The following FYCO1 variants were observed in gnomAD, a reference collection of about 807,000 sequenced individuals.
FYCO1 encodes FYVE and coiled-coil domain autophagy adaptor 1, also known as FYVE and coiled-coil domain-containing protein 1.
Under a neutral mutation model 165.1 loss-of-function variants are expected in FYCO1, and 122 were observed. That is an observed-to-expected ratio of 0.74 (90% CI 0.64 to 0.86). The LOEUF (loss-of-function observed/expected upper bound fraction) is 0.86, where lower values mean the gene tolerates loss of function less well. Ranked by LOEUF, FYCO1 falls within the 40% of genes least tolerant of loss-of-function variation. FYCO1 has a pLI of 0.00. For missense variants in FYCO1, 1,702 were observed against 1,810.3 expected (o/e 0.94, Z 1.09); for synonymous variants, 648 against 742.5 (o/e 0.87, Z 2.07).
At chr3:45,953,038 C>A (rs534945449) in intron 14 of FYCO1, among the ~76,000 whole-genome samples, 125 of 152,222 alleles carry the variant, frequency 8.2e-4, no homozygotes, top group Non-Finnish European at 1.6e-3. Flanking sequence ...GATCTTGGGT[C>A]TGGTGAGTTT....
intron 1 of FYCO1, among the ~76,000 whole-genome samples, chr3:45,989,202 C>T (rs1459812437): frequency 6.6e-6 from 1 of 152,124 alleles, no homozygotes; most frequent in Non-Finnish European, 1.5e-5. Context: ...TCCCCCAGTC[C>T]CAAATAAGGA....
rs1347356225 is a variant in FYCO1, at chr3:45,962,918, C to G, written c.3270-526G>C. Among the ~76,000 whole-genome samples the G allele has an allele frequency of 3.3e-5, 5 of 152,170 alleles. No homozygotes were observed. The East Asian group carries it at 9.6e-4, about 29-fold the overall frequency. ...TCTACCTGATAGCCCCCCTGAGGCC[C>G]AGGGAATTCCGTTTTGGGTGCTGCA... On this transcript the variant is annotated intron_variant, in intron 10 of 17. Transcript: ENST00000296137. This position sits in a 1 kb window ranked among gnomAD's most constrained non-coding sequence, Gnocchi z 4.4.
At chr3:45,929,550 C>A (rs1321872648) in intron 16 of FYCO1, among the ~76,000 whole-genome samples, 1 of 152,162 alleles carries the variant, frequency 6.6e-6, no homozygotes, top group Non-Finnish European at 1.5e-5. Context: ...GTGGCAAGGG[C>A]AGCTCTTGGC....
chr3:45,961,127 C>A (rs941183534), intron 11 of FYCO1, among the ~76,000 whole-genome samples: 2 of 152,122 alleles, frequency 1.3e-5, no homozygotes, highest in Non-Finnish European at 2.9e-5. Context: ...AGAGACACAG[C>A]AATTGCAATA....
At chr3:45,939,496 C>T (rs1447943139) in intron 14 of FYCO1, among the ~76,000 whole-genome samples, 1 of 152,172 alleles carries the variant, frequency 6.6e-6, no homozygotes, top group African/African-American at 2.4e-5. Flanking sequence ...CTCAAATGGC[C>T]TCAGCCTGTT....
In FYCO1 at chr3:45,973,113, C is replaced by T. The variant is rs375161411; in HGVS notation, c.514G>A (p.Asp172Asn). 8 of 1,614,116 alleles carry T rather than the reference C, an allele frequency of 5.0e-6. No homozygotes were observed. The highest frequency in any genetic ancestry group is 2.5e-6 in the Non-Finnish European group (3 of 1,180,044). Residue 172 changes from aspartate to asparagine, a missense_variant, in exon 6 of 18, where the codon GAT (aspartate) becomes AAT (asparagine). By Grantham distance (23) the Asp-to-Asn change is conservative. Transcript: ENST00000296137. ...CTGGCAAATGTTGGCCAGGCAGCATCCAAGTCAAAGCCCCTCGACGCCAGG... is the reference window on the plus strand; with the variant it reads ...CTGGCAAATGTTGGCCAGGCAGCATTCAAGTCAAAGCCCCTCGACGCCAGG... Reference protein sequence around the residue: ...FDLASRGFDLDAAWPTFARRT... With the variant: ...FDLASRGFDLNAAWPTFARRT...
At chr3:45,936,598 A>C in intron 14 of FYCO1, 55 bp from the exon 15 acceptor site, 16 of 1,272,494 alleles carry the variant, frequency 1.3e-5, no homozygotes, top group Non-Finnish European at 1.7e-5. Context: ...ACAGGGTCTC[A>C]CATCCTGGGG....
At chr3:45,940,922 C>T (rs13066048) in intron 14 of FYCO1, 52,083 of 151,938 alleles carry the variant, frequency 0.34, 10,660 homozygotes, top group East Asian at 0.66. Context: ...CACCTTCTTC[C>T]GCTGGAGGTA....
chr3:45,925,833 G>A (rs1467324143), intron 16 of FYCO1, among the ~76,000 whole-genome samples: 2 of 152,198 alleles, frequency 1.3e-5, no homozygotes. Context: ...GTGATGCTGA[G>A]TTAGGACAAT....
intron 14 of FYCO1, chr3:45,946,267 G>A (rs1378632735): frequency 1.8e-6 from 1 of 544,598 alleles, no homozygotes; most frequent in Non-Finnish European, 3.3e-6. Flanking sequence ...CTAATGGAGA[G>A]TCCTCATCCT....
At chr3:45,984,691 G>A in intron 2 of FYCO1, 165 bp downstream of exon 2, 1 of 740,364 alleles carries the variant, frequency 1.4e-6, no homozygotes, top group East Asian at 2.8e-5. Flanking sequence ...CCTTACACAA[G>A]GTGGATATTT....
chr3:45,946,335 C>T, intron 14 of FYCO1: 1 of 668,828 alleles, frequency 1.5e-6, no homozygotes, highest in East Asian at 2.6e-5. Flanking sequence ...TGTGCTGTTT[C>T]TACACATCCC....
chr3:45,983,017 T>C (rs145587051), intron 2 of FYCO1, among the ~76,000 whole-genome samples: 1 of 152,342 alleles, frequency 6.6e-6, no homozygotes, highest in East Asian at 1.9e-4. Flanking sequence ...ACTCTGGATA[T>C]GAAATATGAA....
chr3:45,936,510 G>C lies in FYCO1; in HGVS notation c.3978C>G (p.Asp1326Glu). The change falls in exon 15 of 18, where the codon GAC (aspartate) becomes GAG (glutamate). Residue 1326 changes from aspartate to glutamate, a missense_variant. Coordinates refer to ENST00000296137, the MANE Select transcript of FYCO1 (RefSeq NM_024513.4). The stretch of plus-strand genomic sequence containing the variant: ...CCTGCCCCACGGGCATGTCTTCAGT[G>C]TCCTCAGGCGTTAGCGAGGTTGATG... The part of the protein sequence containing the change: ...DTTSTSLTPE[D>E]TEDMPVGQDS... The C allele has an allele frequency of 6.2e-7, 1 of 1,613,942 alleles. No homozygotes were observed. Among genetic ancestry groups the C allele is most frequent in the Non-Finnish European group, 8.5e-7 (1 of 1,179,802 alleles).
chr3:45,978,179 G>A (rs1470491979), intron 4 of FYCO1, among the ~76,000 whole-genome samples: 3 of 152,140 alleles, frequency 2.0e-5, no homozygotes, highest in Non-Finnish European at 4.4e-5. Context: ...TGGGGAATGC[G>A]GACTAAAACT....
At position 45,979,960 on chromosome 3, in the gene FYCO1, T is replaced by G. The variant is rs35537559; in HGVS notation, c.163-130A>C. 263,310 of 1,153,036 alleles carry G rather than the reference T, an allele frequency of 0.23. 31,452 individuals carry two copies. The highest frequency in any genetic ancestry group is 0.36 in the East Asian group (14,982 of 41,458). The allele number at this position is 1,153,036 out of a possible 1,614,324, so 71.4% of individuals were successfully genotyped here. On this transcript the variant is annotated intron_variant, in intron 3 of 17. Transcript: ENST00000296137. Reference sequence around the variant, plus strand: ...GTGAGGCCCTTTATTGGCATTATTTTTATTTATTGGCAAATCAAGGTGTGT... The same window carrying G: ...GTGAGGCCCTTTATTGGCATTATTTGTATTTATTGGCAAATCAAGGTGTGT...
intron 14 of FYCO1, chr3:45,947,600 T>G: frequency 9.9e-7 from 1 of 1,010,728 alleles, no homozygotes; most frequent in Non-Finnish European, 1.5e-6. Context: ...GTTTATAGCT[T>G]GCGCATTCTC....
chr3:45,918,398 C>A lies in FYCO1; in HGVS notation c.*3367G>T, dbSNP rs1702984202. 6.6e-6 allele frequency: 1 copy of A among 152,112 alleles called. No homozygotes were observed. Among genetic ancestry groups the A allele is most frequent in the Non-Finnish European group, 1.5e-5 (1 of 68,018 alleles). The allele number at this position is 152,112 out of a possible 1,614,324, so 9.4% of individuals were successfully genotyped here. On this transcript the variant is annotated 3_prime_UTR_variant, in exon 18 of 18. Coordinates refer to ENST00000296137, the MANE Select transcript of FYCO1 (RefSeq NM_024513.4). ...AGAAGAACTTACTAAAGTTCCCCTACAAAGTGCTTTCTTGGTAAGTGTTTT... is the reference window on the plus strand; with the variant it reads ...AGAAGAACTTACTAAAGTTCCCCTAAAAAGTGCTTTCTTGGTAAGTGTTTT...
chr3:45,964,466 C>G lies in FYCO1; in HGVS notation c.3151-12G>C. On this transcript the variant is annotated splice_polypyrimidine_tract_variant and intron_variant, in intron 9 of 17. Transcript: ENST00000296137. The surrounding 1 kb of genome is among the most constrained non-coding windows in gnomAD (Gnocchi z 4.1). ...TCTGCTTGGGTGGCCTGGCACAGGA[C>G]GTCAGGGAGAAGACACTCAGCTTGC... The G allele has an allele frequency of 1.2e-6, 2 of 1,613,712 alleles. No homozygotes were observed. The highest frequency in any genetic ancestry group is 1.7e-6 in the Non-Finnish European group (2 of 1,179,740).
Sources: allele counts gnomAD v4.1 joint callset (sites outside exome capture counted in the v4.1 genomes callset), GRCh38; gene constraint gnomAD v4.1.1; non-coding constraint Gnocchi (gnomAD v3.1); transcripts MANE v1.5; gene names NCBI Gene and HGNC (gene_info 2026-07-23, HGNC 2026-07-21).